The following MAGI1 variants were observed in gnomAD, a reference collection of about 807,000 sequenced individuals.
The protein encoded by MAGI1 is membrane associated guanylate kinase, WW and PDZ domain containing 1.
A neutral mutation model predicts 139.9 loss-of-function variants in MAGI1; 58 were observed. The observed-to-expected ratio is 0.41, with a 90% CI of 0.34 to 0.52. MAGI1 has a LOEUF of 0.52. Ranked by LOEUF, MAGI1 falls within the 20% of genes least tolerant of loss-of-function variation. MAGI1 has a pLI of 0.12. For synonymous variants in MAGI1, 812 were observed against 737.9 expected (o/e 1.10, Z -1.63); for missense variants, 1,874 against 1,901.6 (o/e 0.99, Z 0.27).
At chr3:65,944,423 T>C (rs532090263) in intron 1 of MAGI1, among the ~76,000 whole-genome samples, 16 of 151,804 alleles carry the variant, frequency 1.1e-4, no homozygotes, top group Non-Finnish European at 1.8e-4. Flanking sequence ...GAGGCTGAGG[T>C]TGGAGGATAG....
chr3:66,018,452 A>G (rs2067784746), intron 1 of MAGI1, among the ~76,000 whole-genome samples: 1 of 152,286 alleles, frequency 6.6e-6, no homozygotes, highest in South Asian at 2.1e-4. Flanking sequence ...CCAGGCACAA[A>G]GAGCCAGGCA....
At chr3:65,498,999 A>G in intron 2 of MAGI1, 1 of 985,048 alleles carries the variant, frequency 1.0e-6, no homozygotes, top group Non-Finnish European at 1.2e-6. Context: ...CAAAATAAGA[A>G]CAAGAAACAT....
At chr3:65,523,187 G>A (rs1395490818) in intron 2 of MAGI1, among the ~76,000 whole-genome samples, 1 of 152,080 alleles carries the variant, frequency 6.6e-6, no homozygotes, top group Non-Finnish European at 1.5e-5. Flanking sequence ...ATCTTACTGT[G>A]TATGATACTA....
chr3:65,671,579 C>T (rs2086859652), intron 1 of MAGI1, among the ~76,000 whole-genome samples: 1 of 152,130 alleles, frequency 6.6e-6, no homozygotes, highest in African/African-American at 2.4e-5. Flanking sequence ...GTTAAAAATG[C>T]AGATAGCAAG....
intron 2 of MAGI1, among the ~76,000 whole-genome samples, chr3:65,569,781 G>A (rs1253174114): frequency 6.6e-6 from 1 of 151,822 alleles, no homozygotes. Flanking sequence ...GGGGGCTGAT[G>A]GGAAGATCTC....
In MAGI1 at chr3:65,688,865, C is replaced by T. The variant is rs528589460; in HGVS notation, c.314-66777G>A. 3.9e-5 allele frequency among the ~76,000 whole-genome samples: 6 copies of T among 152,194 alleles called. No individual in the cohort carries two copies. The South Asian group carries it at 8.3e-4, about 21-fold the overall frequency. On this transcript the variant is annotated intron_variant, in intron 1 of 22. Transcript: ENST00000402939. ...GGGAACACATTGAAAATATTTATTCCAAATCAGAGAGGCACTGACTTGAGA... is the reference window on the plus strand; with the variant it reads ...GGGAACACATTGAAAATATTTATTCTAAATCAGAGAGGCACTGACTTGAGA...
intron 2 of MAGI1, among the ~76,000 whole-genome samples, chr3:65,521,751 T>C (rs1350155497): frequency 6.6e-6 from 1 of 152,198 alleles, no homozygotes; most frequent in Non-Finnish European, 1.5e-5. Flanking sequence ...TTGGATGTTA[T>C]GTTGTAAGGC....
chr3:65,902,027 G>A (rs564018913), intron 1 of MAGI1, among the ~76,000 whole-genome samples: 4 of 152,140 alleles, frequency 2.6e-5, no homozygotes, highest in South Asian at 2.1e-4. Context: ...TTTATTAAAC[G>A]CTAAGGAATG....
intron 1 of MAGI1, among the ~76,000 whole-genome samples, chr3:65,704,217 G>A (rs994726631): frequency 1.3e-5 from 2 of 152,108 alleles, no homozygotes; most frequent in East Asian, 1.9e-4. Context: ...CCACCAACAC[G>A]AACAGGCTTA....
At chr3:65,747,146 G>A (rs546926678) in intron 1 of MAGI1, among the ~76,000 whole-genome samples, 265 of 152,328 alleles carry the variant, frequency 1.7e-3, no homozygotes, top group Non-Finnish European at 2.4e-3. Context: ...GTCACCTAAA[G>A]GATGAATAAG....
In MAGI1 at chr3:65,429,523, C is replaced by T; in HGVS notation, c.2164G>A (p.Gly722Arg). 1.9e-6 allele frequency: 3 copies of T among 1,605,804 alleles called. No homozygotes were observed. Among genetic ancestry groups the T allele is most frequent in the Non-Finnish European group, 2.6e-6 (3 of 1,174,578 alleles). The change falls in exon 12 of 23, where the codon GGA (glycine) becomes AGA (arginine). Residue 722 changes from glycine (G) to arginine (R), a missense_variant. Physicochemically the swap from Gly to Arg is moderately radical, Grantham distance 125 (BLOSUM62 -2). Around this residue, in one of 5 missense-constraint regions of MAGI1, gnomAD observed 482 missense variants for 509.6 expected, o/e 0.95. Transcript: ENST00000402939. ...GSEVTLLVQR[G>R]GLPVPKKSPK... ...AGAACAAAACAACCCTACTTACCTC[C>T]TCGTTGCACCAACAATGTGACCTCA...
At chr3:66,033,775 G>C (rs188941371) in intron 1 of MAGI1, among the ~76,000 whole-genome samples, 1 of 152,248 alleles carries the variant, frequency 6.6e-6, no homozygotes, top group African/African-American at 2.4e-5. Flanking sequence ...CAGTTCCTGG[G>C]TAATTTGAAA....
intron 14 of MAGI1, among the ~76,000 whole-genome samples, chr3:65,390,622 T>A (rs1236401067): frequency 2.0e-5 from 3 of 152,194 alleles, no homozygotes; most frequent in African/African-American, 7.2e-5. Flanking sequence ...GATAAGTAAT[T>A]AAAGCACAAC....
intron 1 of MAGI1, among the ~76,000 whole-genome samples, chr3:65,975,735 G>T (rs2065235631): frequency 6.6e-6 from 1 of 152,030 alleles, no homozygotes; most frequent in Non-Finnish European, 1.5e-5. Flanking sequence ...TTTTTCCTTT[G>T]CAATGAAATG....
At chr3:65,844,208 T>C (rs2058906168) in intron 1 of MAGI1, 2 of 500,298 alleles carry the variant, frequency 4.0e-6, no homozygotes, top group Admixed American at 2.0e-5. Context: ...ACTTAAGAGT[T>C]TGGATATAGA....
At chr3:65,715,252 TTAAAG>T (rs1208880961) in intron 1 of MAGI1, among the ~76,000 whole-genome samples, 1 of 152,172 alleles carries the variant, frequency 6.6e-6, no homozygotes, top group Non-Finnish European at 1.5e-5. Flanking sequence ...GCATCCCAAA[TTAAAG>T]TAAAAAATGC....
At chr3:65,795,071 C>A (rs1293788383) in intron 1 of MAGI1, among the ~76,000 whole-genome samples, 1 of 152,148 alleles carries the variant, frequency 6.6e-6, no homozygotes, top group Non-Finnish European at 1.5e-5. Flanking sequence ...AGTGAGGTCA[C>A]GGAAAACAGT....
chr3:65,539,916 C>T (rs930588849), intron 2 of MAGI1, among the ~76,000 whole-genome samples: 2 of 152,122 alleles, frequency 1.3e-5, no homozygotes, highest in African/African-American at 4.8e-5. Flanking sequence ...GATAGGTTTC[C>T]AGGGGCTTTA....
At chr3:65,444,726 C>A (rs1278753612) in intron 7 of MAGI1, among the ~76,000 whole-genome samples, 1 of 152,028 alleles carries the variant, frequency 6.6e-6, no homozygotes, top group African/African-American at 2.4e-5. Context: ...AAGAAGGTAC[C>A]CGTGACTTCT....
Sources: gnomAD v4.1 joint callset for allele counts (sites outside exome capture counted in the v4.1 genomes callset) on GRCh38, gnomAD v4.1.1 for gene constraint, gnomAD v4.1.1 regional missense constraint, MANE v1.5 for transcripts, NCBI Gene and HGNC (gene_info 2026-07-23, HGNC 2026-07-21) for gene names.